Variants in SCRN1 observed in about 807,000 individuals in gnomAD.
SCRN1 encodes the protein secernin 1.
A neutral mutation model predicts 43.3 loss-of-function variants in SCRN1; 19 were observed. That is an observed-to-expected ratio of 0.44 (90% CI 0.31 to 0.64). The LOEUF (loss-of-function observed/expected upper bound fraction) is 0.64. Among genes scored for constraint, SCRN1 ranks in the 30% least tolerant of loss-of-function variants. SCRN1 has a pLI of 0.09. For missense variants in SCRN1, 447 were observed against 524.1 expected, an observed-to-expected ratio of 0.85 and a Z score of 1.44; for synonymous variants, 183 against 188.9, an observed-to-expected ratio of 0.97 and a Z score of 0.26.
intron 1 of SCRN1, among the ~76,000 whole-genome samples, chr7:29,983,199 T>C (rs1407891115): frequency 6.6e-6 from 1 of 151,040 alleles, no homozygotes; most frequent in Non-Finnish European, 1.5e-5. Context: ...GTTCTATAGT[T>C]TTCTTTACAG....
intron 7 of SCRN1, among the ~76,000 whole-genome samples, chr7:29,926,150 C>T (rs1786944123): frequency 6.6e-6 from 1 of 152,238 alleles, no homozygotes; most frequent in Non-Finnish European, 1.5e-5. Context: ...TTATCCCTAA[C>T]GTACTGCATA....
chr7:29,927,565 T>C (rs1787010047), intron 6 of SCRN1, among the ~76,000 whole-genome samples: 1 of 152,182 alleles, frequency 6.6e-6, no homozygotes, highest in Admixed American at 6.5e-5. Flanking sequence ...GTCCCAAGGA[T>C]TGCCTGTTTT....
intron 3 of SCRN1, among the ~76,000 whole-genome samples, chr7:29,952,526 CT>C (rs1787978497): frequency 6.6e-6 from 1 of 151,962 alleles, no homozygotes; most frequent in Admixed American, 6.6e-5. Flanking sequence ...CCCGTCCCTA[CT>C]AAAAATACAA....
At chr7:29,944,948 C>T (rs988009991) in intron 3 of SCRN1, among the ~76,000 whole-genome samples, 3 of 152,172 alleles carry the variant, frequency 2.0e-5, no homozygotes, top group Admixed American at 6.5e-5. Flanking sequence ...TATTATTCTA[C>T]ACCAGGTATT....
intron 3 of SCRN1, among the ~76,000 whole-genome samples, chr7:29,949,043 C>G (rs368627517): frequency 6.6e-6 from 1 of 152,106 alleles, no homozygotes; most frequent in African/African-American, 2.4e-5. Flanking sequence ...AGGACAGGAG[C>G]GGTGGCTCAC....
chr7:29,928,737 C>G (rs1305527900), intron 6 of SCRN1, among the ~76,000 whole-genome samples: 1 of 152,168 alleles, frequency 6.6e-6, no homozygotes, highest in Non-Finnish European at 1.5e-5. Context: ...TACCCTTGCA[C>G]AGAAGGAACA....
chr7:29,925,556 T>C (rs1314360333), intron 7 of SCRN1, among the ~76,000 whole-genome samples: 4 of 152,338 alleles, frequency 2.6e-5, no homozygotes, highest in Non-Finnish European at 5.9e-5. Context: ...CTTGAATTTA[T>C]ATAAAGTCCA....
intron 2 of SCRN1, among the ~76,000 whole-genome samples, chr7:29,962,767 G>T (rs1237496251): frequency 6.6e-6 from 1 of 152,134 alleles, no homozygotes; most frequent in Non-Finnish European, 1.5e-5. Flanking sequence ...GGGTTTTTAT[G>T]AAAAGTTCTT....
chr7:29,943,840 C>T (rs1787637255), intron 4 of SCRN1, 137 bp downstream of exon 4: 1 of 787,392 alleles, frequency 1.3e-6, no homozygotes, highest in Non-Finnish European at 2.1e-6. Context: ...GAGAGGCATG[C>T]CAAAGCATGA....
chr7:29,974,637 TA>T (rs755936557), intron 1 of SCRN1, among the ~76,000 whole-genome samples: 3 of 151,312 alleles, frequency 2.0e-5, no homozygotes, highest in Non-Finnish European at 4.4e-5. Context: ...ATATATTACA[TA>T]AAACATGCAT....
At chr7:29,982,669 C>T (rs1318546641) in intron 1 of SCRN1, among the ~76,000 whole-genome samples, 2 of 113,152 alleles carry the variant, frequency 1.8e-5, no homozygotes, top group Admixed American at 1.2e-4. Context: ...GACAACAGAG[C>T]GAGACCCTGT....
At position 29,943,972 on chromosome 7, in the gene SCRN1, C is replaced by T. The variant is rs759972281; in HGVS notation, c.544+5G>A. The T allele has an allele frequency of 2.5e-6, 4 of 1,614,114 alleles. No homozygotes were observed. In the South Asian group the frequency reaches 3.3e-5, roughly 13 times the overall value. On this transcript the variant is annotated splice_donor_5th_base_variant and intron_variant, in intron 4 of 7. Transcript: ENST00000242059. ...CAGAACTCTCCATCATCCACACCCA[C>T]TCACCTGTGACTTTCTCGGCAGCCC...
intron 7 of SCRN1, among the ~76,000 whole-genome samples, chr7:29,925,495 A>G (rs1212964202): frequency 6.6e-6 from 1 of 152,212 alleles, no homozygotes; most frequent in Non-Finnish European, 1.5e-5. Flanking sequence ...GGGAAAACTG[A>G]TGAGTGTCTA....
intron 6 of SCRN1, among the ~76,000 whole-genome samples, chr7:29,934,867 T>C (rs994677358): frequency 1.3e-5 from 2 of 152,204 alleles, no homozygotes; most frequent in African/African-American, 4.8e-5. Flanking sequence ...AGAGGAGCAA[T>C]AGTCACCTAG....
At chr7:29,964,732 C>T (rs1041603273) in intron 2 of SCRN1, among the ~76,000 whole-genome samples, 22 of 151,944 alleles carry the variant, frequency 1.4e-4, no homozygotes, top group Non-Finnish European at 2.5e-4. Flanking sequence ...CACTTGAGGT[C>T]AGGAGTTCAA....
At chr7:29,969,310 C>G (rs1369873560) in intron 1 of SCRN1, 1 of 509,778 alleles carries the variant, frequency 2.0e-6, no homozygotes, top group Non-Finnish European at 3.5e-6. Flanking sequence ...TGCAACAAAC[C>G]ACAGCGGCAG....
At position 29,926,666 on chromosome 7, in the gene SCRN1, G is replaced by A. The variant is rs1197545736; in HGVS notation, c.906-34C>T. ...GAAGGAGAGGCACTTCAGCCAGGCA[G>A]AGGCTGGGACCCGGGAACACCCAGA... On this transcript the variant is annotated intron_variant, in intron 6 of 7. Transcript: ENST00000242059. 2.5e-6 allele frequency: 4 copies of A among 1,595,098 alleles called. No individual in the cohort carries two copies. In the South Asian group the frequency reaches 4.4e-5, roughly 18 times the overall value.
Position 29,944,132 on chromosome 7 carries a change from A to G in SCRN1, c.389T>C (p.Ile130Thr). 6.2e-7 allele frequency: 1 copy of G among 1,614,250 alleles called. No individual in the cohort carries two copies. The highest frequency in any genetic ancestry group is 8.5e-7 in the Non-Finnish European group (1 of 1,180,026). ...GETAKEALDV[I>T]VSLLEEHGQG... The stretch of plus-strand genomic sequence containing the variant: ...TCCATGTTCTTCCAACAAGGAGACA[A>G]TGACATCTAAGGCTTCTTTAGCTGT... Residue 130 changes from isoleucine (I) to threonine (T), a missense_variant, in exon 4 of 8, where the codon ATT becomes ACT. By Grantham distance (89) the Ile-to-Thr change is moderately conservative. Transcript: ENST00000242059.
chr7:29,935,387 CT>C (rs1188568366), intron 6 of SCRN1, among the ~76,000 whole-genome samples: 8 of 152,296 alleles, frequency 5.3e-5, no homozygotes, highest in South Asian at 4.1e-4. Flanking sequence ...ATATTTTCAG[CT>C]GCAAAAGGAA....
Sources: allele counts gnomAD v4.1 joint callset (sites outside exome capture counted in the v4.1 genomes callset), GRCh38; gene constraint gnomAD v4.1.1; transcripts MANE v1.5; gene names NCBI Gene and HGNC (gene_info 2026-07-23, HGNC 2026-07-21).